Variants in PAK1 observed in about 807,000 individuals in gnomAD.
PAK1 encodes serine/threonine-protein kinase PAK 1.
Under a neutral mutation model 67.4 loss-of-function variants are expected in PAK1, and 29 were observed. That is an observed-to-expected ratio of 0.43 (90% CI 0.32 to 0.59). PAK1 has a LOEUF of 0.59. Ranked by LOEUF, PAK1 falls within the 20% of genes least tolerant of loss-of-function variation. The pLI is 0.07. For synonymous variants in PAK1, 223 were observed against 237.4 expected (o/e 0.94, Z 0.56); for missense variants, 337 against 670.7 (o/e 0.50, Z 5.50).
At chr11:77,501,584 C>G in the PAK1 span, among the ~76,000 whole-genome samples, 1 of 152,174 alleles carries the variant, frequency 6.6e-6, no homozygotes, top group Non-Finnish European at 1.5e-5. Flanking sequence ...TCAGTGCATC[C>G]CACCTCTCTG....
At chr11:77,346,076 T>G (rs1312087541) in intron 9 of PAK1, among the ~76,000 whole-genome samples, 1 of 152,150 alleles carries the variant, frequency 6.6e-6, no homozygotes, top group Non-Finnish European at 1.5e-5. Context: ...AGGGTTCAAG[T>G]GATTCTCCTG....
chr11:77,511,983 G>C, the PAK1 span, among the ~76,000 whole-genome samples: 22 of 152,116 alleles, frequency 1.4e-4, no homozygotes, highest in Non-Finnish European at 2.5e-4. Flanking sequence ...TTTGGTAGGG[G>C]GATAAGGATT....
chr11:77,381,138 A>AGTGTGTGTGT (rs34083265), intron 2 of PAK1, among the ~76,000 whole-genome samples: 74 of 144,450 alleles, frequency 5.1e-4, no homozygotes, highest in Admixed American at 1.7e-3. Flanking sequence ...CTCACCACAG[A>AGTGTGTGTGT]GTGTGTGTGT....
intron 14 of PAK1, among the ~76,000 whole-genome samples, chr11:77,327,026 G>C (rs1470942338): frequency 2.0e-5 from 3 of 152,164 alleles, no homozygotes; most frequent in Admixed American, 6.5e-5. Context: ...CTGGAAGAAA[G>C]GGTATCAGTG....
At chr11:77,458,043 G>A (rs901853833) in intron 1 of PAK1, among the ~76,000 whole-genome samples, 7 of 152,092 alleles carry the variant, frequency 4.6e-5, no homozygotes, top group Non-Finnish European at 8.8e-5. Flanking sequence ...CCAATCTCAG[G>A]GAACTAAATC....
intron 8 of PAK1, chr11:77,349,542 A>C (rs1020760162): frequency 2.0e-5 from 9 of 447,442 alleles, no homozygotes; most frequent in Admixed American, 6.8e-5. Flanking sequence ...GGATCTTAAG[A>C]AAGTTATTTA....
At chr11:77,332,076 G>A (rs999004651) in intron 14 of PAK1, among the ~76,000 whole-genome samples, 1 of 151,430 alleles carries the variant, frequency 6.6e-6, no homozygotes, top group Non-Finnish European at 1.5e-5. Context: ...AGCGAAGTGC[G>A]CAGATCGCTT....
intron 5 of PAK1, among the ~76,000 whole-genome samples, chr11:77,366,172 T>G (rs1002792187): frequency 6.6e-6 from 1 of 152,140 alleles, no homozygotes; most frequent in African/African-American, 2.4e-5. Context: ...GAAAGAGAAT[T>G]TATTGCTATC....
chr11:77,422,316 C>G (rs1305603312), intron 1 of PAK1, among the ~76,000 whole-genome samples: 1 of 152,080 alleles, frequency 6.6e-6, no homozygotes, highest in Non-Finnish European at 1.5e-5. Flanking sequence ...TCCCAGCACT[C>G]TGGGGAGGCT....
the PAK1 span, among the ~76,000 whole-genome samples, chr11:77,523,174 G>A: frequency 1.3e-5 from 2 of 152,094 alleles, no homozygotes; most frequent in African/African-American, 2.4e-5. Flanking sequence ...TCAGCATCAC[G>A]CAATATATCC....
intron 1 of PAK1, among the ~76,000 whole-genome samples, chr11:77,443,657 C>T (rs962251353): frequency 8.5e-5 from 13 of 152,168 alleles, no homozygotes; most frequent in African/African-American, 2.4e-4. Flanking sequence ...GATTGAACCT[C>T]AAATTCATGC....
the PAK1 span, among the ~76,000 whole-genome samples, chr11:77,502,883 G>A: frequency 6.6e-6 from 1 of 152,182 alleles, no homozygotes; most frequent in Non-Finnish European, 1.5e-5. Flanking sequence ...AGGGCTAATT[G>A]TGACCAAATT....
chr11:77,422,553 T>C (rs534099402), intron 1 of PAK1, among the ~76,000 whole-genome samples: 25 of 81,858 alleles, frequency 3.1e-4, no homozygotes, highest in African/African-American at 1.9e-3. Context: ...AGACACCGTC[T>C]CAAAAAAAAA....
intron 1 of PAK1, among the ~76,000 whole-genome samples, chr11:77,452,875 T>C (rs1231887918): frequency 6.6e-6 from 1 of 152,204 alleles, no homozygotes; most frequent in African/African-American, 2.4e-5. Context: ...ACTAGCTTTC[T>C]CTCTTCCTAG....
At chr11:77,474,957 G>T (rs11237200), upstream of PAK1, 2 of 152,052 alleles carry the variant, frequency 1.3e-5, no homozygotes, top group Non-Finnish European at 2.9e-5. Flanking sequence ...TGCCTTGCTT[G>T]AAATCCTAGC....
At chr11:77,399,946 A>AAGTT (rs1952440476) in intron 1 of PAK1, among the ~76,000 whole-genome samples, 1 of 151,436 alleles carries the variant, frequency 6.6e-6, no homozygotes, top group Non-Finnish European at 1.5e-5. Flanking sequence ...GGATATGATA[A>AAGTT]AGTTAGTATA....
chr11:77,346,847 G>A (rs1426463025), intron 9 of PAK1, among the ~76,000 whole-genome samples: 2 of 152,126 alleles, frequency 1.3e-5, no homozygotes, highest in Non-Finnish European at 2.9e-5. Context: ...ATGCCTACAG[G>A]TCCATGTGAC....
chr11:77,338,283 G>A (rs1451166786), intron 11 of PAK1, among the ~76,000 whole-genome samples: 1 of 152,064 alleles, frequency 6.6e-6, no homozygotes, highest in Non-Finnish European at 1.5e-5. Flanking sequence ...AAACACTAAA[G>A]ATATAAGTGA....
intron 14 of PAK1, among the ~76,000 whole-genome samples, chr11:77,329,594 T>G (rs1940948257): frequency 6.6e-6 from 1 of 152,124 alleles, no homozygotes; most frequent in Non-Finnish European, 1.5e-5. Flanking sequence ...CCCTTCATGC[T>G]AAACACTCTC....
Sources: allele counts gnomAD v4.1 joint callset (sites outside exome capture counted in the v4.1 genomes callset), GRCh38; gene constraint gnomAD v4.1.1; transcripts MANE v1.5; gene names NCBI Gene and HGNC (gene_info 2026-07-23, HGNC 2026-07-21).